Variants in LIN54 observed in about 807,000 individuals in gnomAD.
LIN54 encodes protein lin-54 homolog.
In LIN54, 9 loss-of-function variants were observed where a neutral mutation model predicts 78.7. The ratio of observed to expected loss-of-function variants is 0.11; its 90% CI spans 0.07 to 0.20. The LOEUF is 0.20. LIN54 is among the 10% of genes least tolerant of loss of function. The probability of loss-of-function intolerance (pLI) is 1.00; values close to 1 mark genes in which losing one functional copy is unlikely to be tolerated. For synonymous variants in LIN54, 269 were observed against 318.4 expected, an observed-to-expected ratio of 0.84 and a Z score of 1.65; for missense variants, 573 against 889.9, an observed-to-expected ratio of 0.64 and a Z score of 4.53.
chr4:82,965,485 A>C (rs1396687442), intron 4 of LIN54, among the ~76,000 whole-genome samples: 1 of 152,334 alleles, frequency 6.6e-6, no homozygotes, highest in Middle Eastern at 3.4e-3. Context: ...GCCTGGAGGC[A>C]TAAGAGCTGA....
At chr4:83,010,914 A>C, upstream of LIN54, 1 of 952,716 alleles carries the variant, frequency 1.0e-6, no homozygotes, top group Non-Finnish European at 1.3e-6. Context: ...CCGCCCCGCC[A>C]ACCTTCAAAC....
At position 82,939,641 on chromosome 4, in the gene LIN54, G is replaced by C; in HGVS notation, c.1338C>G (p.Ile446Met). 1.2e-6 allele frequency: 2 copies of C among 1,614,182 alleles called. No individual in the cohort carries two copies. The highest frequency in any genetic ancestry group is 1.7e-6 in the Non-Finnish European group (2 of 1,180,006). ...GTGGCAGGTTAGTGAGGTTGGGCTGGATCTGTGGCAGTGGTGTGGCAGGCA... is the reference window on the plus strand; with the variant it reads ...GTGGCAGGTTAGTGAGGTTGGGCTGCATCTGTGGCAGTGGTGTGGCAGGCA... ...LIMPATPLPQIQPNLTNLPPG... is the reference protein window; with the variant it reads ...LIMPATPLPQMQPNLTNLPPG... The change falls in exon 7 of 13, where the codon ATC becomes ATG. Residue 446 changes from isoleucine (I) to methionine (M), a missense_variant. Around this residue, in one of 6 missense-constraint regions of LIN54, gnomAD observed 101 missense variants for 194.2 expected, o/e 0.52. Coordinates refer to ENST00000340417, the MANE Select transcript of LIN54 (RefSeq NM_194282.4).
intron 4 of LIN54, among the ~76,000 whole-genome samples, chr4:82,967,775 C>A (rs1040837771): frequency 1.6e-4 from 24 of 152,186 alleles, no homozygotes; most frequent in Admixed American, 6.6e-4. Context: ...ACAGAGGGCA[C>A]CAGAAGCTGG....
Position 82,984,430 on chromosome 4 carries a change from T to C in LIN54, c.415A>G (p.Lys139Glu). 1 of 1,614,242 alleles carries C rather than the reference T, an allele frequency of 6.2e-7. No homozygotes were observed. Among genetic ancestry groups the C allele is most frequent in the Non-Finnish European group, 8.5e-7 (1 of 1,180,046 alleles). Residue 139 changes from lysine to glutamate, a missense_variant, in exon 2 of 13, where the codon AAG becomes GAG. Around this residue, in one of 6 missense-constraint regions of LIN54, gnomAD observed 183 missense variants for 228.4 expected, o/e 0.80. Coordinates refer to ENST00000340417, the MANE Select transcript of LIN54 (RefSeq NM_194282.4). ...GNQTLKPDGQKLILTTLGKSG... is the reference protein window; with the variant it reads ...GNQTLKPDGQELILTTLGKSG... Reference sequence around the variant, plus strand: ...TTGCCCAAAGTTGTTAAAATTAACTTCTGTCCATCTGGTTTAAGGGTCTGA... The same window carrying C: ...TTGCCCAAAGTTGTTAAAATTAACTCCTGTCCATCTGGTTTAAGGGTCTGA...
rs964409458 is a variant in LIN54 at position 82,995,513 on chromosome 4, T to G, written c.-32-10637A>C. On this transcript the variant is annotated intron_variant, in intron 1 of 12. Transcript: ENST00000340417. The stretch of plus-strand genomic sequence containing the variant: ...TCTTTTTTTTTTTTTTTTTTTTTTT[T>G]GGGATGGAGTCTCGCTCTGTCACCC... Among the ~76,000 whole-genome samples, 42 of 68,548 alleles carry G rather than the reference T, an allele frequency of 6.1e-4. 1 individual carries two copies. Among genetic ancestry groups the G allele is most frequent in the Non-Finnish European group, 3.9e-4 (11 of 28,234 alleles). 45.0% of individuals were successfully genotyped at this position (68,548 alleles called of 152,430 possible). A position where few individuals can be genotyped will look rare whatever the true frequency, so the allele number is the denominator to read the frequency against.
chr4:82,925,781 A>G lies in LIN54; in HGVS notation c.*2321T>C, dbSNP rs1164625234. 1.3e-5 allele frequency: 2 copies of G among 152,656 alleles called. No individual in the cohort carries two copies. Among genetic ancestry groups the G allele is most frequent in the East Asian group, 1.9e-4 (1 of 5,204 alleles). The allele number at this position is 152,656 out of a possible 1,614,324, so 9.5% of individuals were successfully genotyped here. A position where few individuals can be genotyped will look rare whatever the true frequency, so the allele number is the denominator to read the frequency against. On this transcript the variant is annotated 3_prime_UTR_variant, in exon 13 of 13. Coordinates refer to ENST00000340417, the MANE Select transcript of LIN54 (RefSeq NM_194282.4). ...TACTTTGCTGTCCTGTTTTTACAAT[A>G]TAGAAAAGTGTATTCTTTGAATAGC... is the stretch of plus-strand genomic sequence containing the variant.
intron 11 of LIN54, among the ~76,000 whole-genome samples, chr4:82,931,424 T>C (rs1721944866): frequency 6.6e-6 from 1 of 151,824 alleles, no homozygotes; most frequent in Admixed American, 6.5e-5. Flanking sequence ...GAGTTACACA[T>C]GTTTTTCATA....
Position 83,010,795 on chromosome 4 carries a change from G to C in LIN54, c.-344C>G, listed in dbSNP as rs1729806954. 2.4e-6 allele frequency: 3 copies of C among 1,231,678 alleles called. No individual in the cohort carries two copies. The highest frequency in any genetic ancestry group is 1.6e-5 in the African/African-American group (1 of 64,336). 76.3% of individuals were successfully genotyped at this position (1,231,678 alleles called of 1,614,324 possible). A position where few individuals can be genotyped will look rare whatever the true frequency, so the allele number is the denominator to read the frequency against. Reference sequence around the variant, plus strand: ...GCAGCTTCCCCGACAGCCGGAGCCCGGGCCGCCGCCGCCGCCGCCACCACC... The same window carrying C: ...GCAGCTTCCCCGACAGCCGGAGCCCCGGCCGCCGCCGCCGCCGCCACCACC... On this transcript the variant is annotated 5_prime_UTR_variant, in exon 1 of 13. Transcript: ENST00000340417.
chr4:82,928,144 A>T lies in LIN54; in HGVS notation c.2208T>A (p.Ser736=), dbSNP rs761602896. The T allele has an allele frequency of 1.3e-5, 21 of 1,614,150 alleles. No homozygotes were observed. The highest frequency in any genetic ancestry group is 3.3e-4 in the Middle Eastern group (2 of 6,082). ...AAGGGTCACTTTTTGCCTTTCCTGC[A>T]GAGTTGATGACACTCATCAAACATC... The part of the protein sequence containing the change: ...FGRCLMSVIN[S]AGKAKSDPCA... The change falls in exon 13 of 13, where the codon TCT becomes TCA. Residue 736 remains serine, a synonymous_variant. Coordinates refer to ENST00000340417, the MANE Select transcript of LIN54 (RefSeq NM_194282.4).
At chr4:82,943,418 C>T (rs934115238) in intron 5 of LIN54, among the ~76,000 whole-genome samples, 2 of 152,158 alleles carry the variant, frequency 1.3e-5, no homozygotes, top group African/African-American at 2.4e-5. Flanking sequence ...GGAAAATGTA[C>T]AAGATAAGCC....
At chr4:82,961,349 T>C (rs1724778072) in intron 4 of LIN54, among the ~76,000 whole-genome samples, 1 of 152,182 alleles carries the variant, frequency 6.6e-6, no homozygotes, top group Non-Finnish European at 1.5e-5. Flanking sequence ...AGAAGATATA[T>C]TGGTCACAGA....
At chr4:83,010,847 C>A, upstream of LIN54, 1 of 1,224,648 alleles carries the variant, frequency 8.2e-7, no homozygotes, top group Non-Finnish European at 1.0e-6. Context: ...CTCCTCCTCC[C>A]CTCCCCGCCC....
chr4:82,974,986 AG>A (rs1375054736), intron 3 of LIN54, among the ~76,000 whole-genome samples: 1 of 152,144 alleles, frequency 6.6e-6, no homozygotes, highest in African/African-American at 2.4e-5. Context: ...AAAAAGAAAA[AG>A]TTTTAGAGAC....
Position 83,007,190 on chromosome 4 carries a change from A to G in LIN54, c.-33+3294T>C, listed in dbSNP as rs532427399. ...AAATAAATAAATAAAAAGAAATTAT[A>G]TAACTGAGTGAAATAACAAATAAAT... On this transcript the variant is annotated intron_variant, in intron 1 of 12. Coordinates refer to ENST00000340417, the MANE Select transcript of LIN54 (RefSeq NM_194282.4). Among the ~76,000 whole-genome samples the G allele has an allele frequency of 2.0e-4, 31 of 152,218 alleles. No individual in the cohort carries two copies. In the South Asian group the frequency reaches 6.4e-3, roughly 32 times the overall value.
chr4:82,987,853 G>A (rs1043974931), intron 1 of LIN54, among the ~76,000 whole-genome samples: 6 of 152,196 alleles, frequency 3.9e-5, no homozygotes, highest in Non-Finnish European at 7.3e-5. Context: ...GTGTGCATGT[G>A]TCTTTATAGT....
intron 1 of LIN54, among the ~76,000 whole-genome samples, chr4:82,996,986 G>A (rs1229805506): frequency 1.3e-5 from 2 of 151,974 alleles, no homozygotes; most frequent in Non-Finnish European, 2.9e-5. Flanking sequence ...ATCACAATCA[G>A]AAGTATCTTG....
At chr4:82,939,809 G>A (rs1722698677) in intron 6 of LIN54, 73 bp from the exon 7 acceptor site, 1 of 1,585,024 alleles carries the variant, frequency 6.3e-7, no homozygotes, top group Non-Finnish European at 8.7e-7. Context: ...TAAATCTCTT[G>A]CACCTAAATC....
In LIN54 at chr4:82,928,072, A is replaced by G. The variant is rs1388376209; in HGVS notation, c.*30T>C. The G allele has an allele frequency of 1.3e-6, 2 of 1,592,140 alleles. No individual in the cohort carries two copies. Among genetic ancestry groups the G allele is most frequent in the African/African-American group, 1.3e-5 (1 of 74,562 alleles). On this transcript the variant is annotated 3_prime_UTR_variant, in exon 13 of 13. Transcript: ENST00000340417. ...TCCCTGCACCTTAAATTTTCTGTAC[A>G]GTTCCATTTATCAGTCTTTTGTGCA...
chr4:82,970,484 C>T lies in LIN54; in HGVS notation c.809-15G>A, dbSNP rs1187254508. Reference sequence around the variant, plus strand: ...AAGAACCCTACCTGCAAATGAGAGGCAGCACATCAGTTTGACTTTTTTCAA... The same window carrying T: ...AAGAACCCTACCTGCAAATGAGAGGTAGCACATCAGTTTGACTTTTTTCAA... On this transcript the variant is annotated splice_polypyrimidine_tract_variant and intron_variant, in intron 3 of 12. Transcript: ENST00000340417. 2 of 1,593,684 alleles carry T rather than the reference C, an allele frequency of 1.3e-6. No individual in the cohort carries two copies. The highest frequency in any genetic ancestry group is 1.4e-5 in the African/African-American group (1 of 73,842).
Sources: gnomAD v4.1 joint callset for allele counts (sites outside exome capture counted in the v4.1 genomes callset) on GRCh38, gnomAD v4.1.1 for gene constraint, gnomAD v4.1.1 regional missense constraint, MANE v1.5 for transcripts, NCBI Gene and HGNC (gene_info 2026-07-23, HGNC 2026-07-21) for gene names.